The following SAMHD1 variants were observed in gnomAD, a reference collection of about 807,000 sequenced individuals.
SAMHD1 encodes the protein deoxynucleoside triphosphate triphosphohydrolase SAMHD1.
A neutral mutation model predicts 79.6 loss-of-function variants in SAMHD1; 54 were observed. The observed-to-expected ratio is 0.68, with a 90% CI of 0.55 to 0.85. The LOEUF is 0.85. Among genes scored for constraint, SAMHD1 ranks in the 40% least tolerant of loss-of-function variants. The probability of loss-of-function intolerance (pLI) is 0.00; values close to 1 mark genes in which losing one functional copy is unlikely to be tolerated. For synonymous variants in SAMHD1, 260 were observed against 264.1 expected (o/e 0.98, Z 0.15); for missense variants, 663 against 782.7 (o/e 0.85, Z 1.82).
In SAMHD1 at chr20:36,893,025, C is replaced by CT. The variant is rs1215993198; in HGVS notation, c.1787dup (p.Glu597GlyfsTer26). 2 of 1,613,644 alleles carry CT rather than the reference C, an allele frequency of 1.2e-6. No homozygotes were observed. The highest frequency in any genetic ancestry group is 2.2e-5 in the East Asian group (1 of 44,882). On this transcript the variant is annotated frameshift_variant, in exon 16 of 16. Coordinates refer to ENST00000646673, the MANE Select transcript of SAMHD1 (RefSeq NM_015474.4). LOFTEE classifies it low-confidence loss of function (END_TRUNC). ...GGACTGAAGTACTGTCGTTCCATTC[C>CT]TTTTTTTGAGGTGTTATGAGTGGGG...
At chr20:36,949,249 G>A (rs2063715778) in intron 1 of SAMHD1, among the ~76,000 whole-genome samples, 1 of 151,798 alleles carries the variant, frequency 6.6e-6, no homozygotes. Context: ...GCGTGACAGA[G>A]CGAGACTCCA....
At chr20:36,908,827 C>A (rs893107613) in intron 11 of SAMHD1, among the ~76,000 whole-genome samples, 1 of 152,106 alleles carries the variant, frequency 6.6e-6, no homozygotes, top group African/African-American at 2.4e-5. Flanking sequence ...CAGGAAGCTA[C>A]GGTAGAGTGA....
chr20:36,897,668 C>T (rs1481419072), intron 15 of SAMHD1, 154 bp downstream of exon 15: 4 of 827,324 alleles, frequency 4.8e-6, no homozygotes, highest in Non-Finnish European at 7.9e-6. Context: ...CAGATTCAGA[C>T]ATTTTAAAAG....
chr20:36,918,699 G>A (rs973037558), intron 7 of SAMHD1, among the ~76,000 whole-genome samples: 7 of 151,106 alleles, frequency 4.6e-5, no homozygotes, highest in African/African-American at 1.7e-4. Flanking sequence ...CTACTCAGGA[G>A]GCTGAAGCAG....
intron 13 of SAMHD1, among the ~76,000 whole-genome samples, chr20:36,901,257 T>A (rs1336405264): frequency 6.6e-6 from 1 of 152,006 alleles, no homozygotes; most frequent in Non-Finnish European, 1.5e-5. Flanking sequence ...CTCCACCTCC[T>A]GGGCTCAAGC....
intron 2 of SAMHD1, among the ~76,000 whole-genome samples, chr20:36,945,835 C>T (rs1328637722): frequency 6.6e-6 from 1 of 151,888 alleles, no homozygotes; most frequent in Admixed American, 6.6e-5. Context: ...GGCTTGAACC[C>T]AGGGGGTTCA....
intron 6 of SAMHD1, 184 bp downstream of exon 6, chr20:36,926,998 T>G: frequency 1.7e-6 from 1 of 575,830 alleles, no homozygotes; most frequent in Non-Finnish European, 3.1e-6. Flanking sequence ...AACGATAACT[T>G]CCTTACAGAC....
rs2063445424 is a variant in SAMHD1, at chr20:36,912,337, A to G, written c.1154+124T>C. The G allele has an allele frequency of 4.3e-6, 3 of 689,818 alleles. No individual in the cohort carries two copies. In the South Asian group the frequency reaches 4.9e-5, roughly 11 times the overall value. 42.7% of individuals were successfully genotyped at this position (689,818 alleles called of 1,614,324 possible). A position where few individuals can be genotyped will look rare whatever the true frequency, so the allele number is the denominator to read the frequency against. ...TAGATTTTTTTTCTTTAAGGAAACC[A>G]TTTTCAATTTAATCACTTAATATTC... On this transcript the variant is annotated intron_variant, in intron 10 of 15. Coordinates refer to ENST00000646673, the MANE Select transcript of SAMHD1 (RefSeq NM_015474.4).
intron 1 of SAMHD1, among the ~76,000 whole-genome samples, chr20:36,949,269 A>G (rs2063716029): frequency 6.6e-6 from 1 of 151,948 alleles, no homozygotes; most frequent in Non-Finnish European, 1.5e-5. Context: ...ATCTCAGAAA[A>G]AAAATAAAAT....
At chr20:36,928,827 C>T (rs562956621) in intron 5 of SAMHD1, among the ~76,000 whole-genome samples, 7 of 151,892 alleles carry the variant, frequency 4.6e-5, no homozygotes, top group Non-Finnish European at 7.4e-5. Context: ...GAGGCTGAGG[C>T]GGGTGGATCA....
chr20:36,905,219 C>T (rs1195855289), intron 12 of SAMHD1, 145 bp downstream of exon 12: 3 of 882,174 alleles, frequency 3.4e-6, no homozygotes, highest in Non-Finnish European at 3.8e-6. Context: ...TAAAACAGGC[C>T]TAAGACCCCT....
rs1990044635 is a variant in SAMHD1 at position 36,890,435 on chromosome 20, C to CTTTT, written c.*2496_*2497insAAAA. 1 of 133,658 alleles carries CTTTT rather than the reference C, an allele frequency of 7.5e-6. No individual in the cohort carries two copies. The highest frequency in any genetic ancestry group is 1.6e-5 in the Non-Finnish European group (1 of 61,420). 8.3% of individuals were successfully genotyped at this position (133,658 alleles called of 1,614,324 possible). On this transcript the variant is annotated 3_prime_UTR_variant, in exon 16 of 16. Coordinates refer to ENST00000646673, the MANE Select transcript of SAMHD1 (RefSeq NM_015474.4). ...CTTTCTTTCTTTTCTTTCTCTCTTT[C>CTTTT]CTTCCTTCCTTCCCTCCTTCCTTCC...
chr20:36,940,737 G>A (rs1476611904), intron 3 of SAMHD1: 3 of 424,764 alleles, frequency 7.1e-6, no homozygotes, highest in Non-Finnish European at 1.3e-5. Context: ...GTCTTCAATA[G>A]TTTCTAATAT....
intron 6 of SAMHD1, among the ~76,000 whole-genome samples, chr20:36,926,266 A>C (rs981981640): frequency 6.6e-6 from 1 of 152,204 alleles, no homozygotes; most frequent in Non-Finnish European, 1.5e-5. Context: ...AGGATCAACT[A>C]CTGAGGCACA....
At chr20:36,920,203 C>G (rs1174430496) in intron 6 of SAMHD1, among the ~76,000 whole-genome samples, 2 of 152,162 alleles carry the variant, frequency 1.3e-5, no homozygotes, top group African/African-American at 2.4e-5. Context: ...TAGTCTTGAA[C>G]TCCTGGGCTC....
At chr20:36,893,179 T>A in intron 15 of SAMHD1, 113 bp from the exon 16 acceptor site, 1 of 1,340,672 alleles carries the variant, frequency 7.5e-7, no homozygotes, top group Non-Finnish European at 1.0e-6. Context: ...AGATTGCTTC[T>A]AGCTGTCCTC....
At position 36,951,512 on chromosome 20, in the gene SAMHD1, T is replaced by G; in HGVS notation, c.132A>C (p.Thr44=). The G allele has an allele frequency of 6.2e-7, 1 of 1,614,174 alleles. No individual in the cohort carries two copies. The highest frequency in any genetic ancestry group is 8.5e-7 in the Non-Finnish European group (1 of 1,179,994). The change falls in exon 1 of 16, where the codon ACA becomes ACC. Residue 44 remains threonine, a synonymous_variant. Coordinates refer to ENST00000646673, the MANE Select transcript of SAMHD1 (RefSeq NM_015474.4). ...AGGAGCACACCTGCTCCGGACCCCA[T>G]GTCTTGTAGTCGGGATGGAGTTCCA... ...PGLELHPDYK[T]WGPEQVCSFL...
chr20:36,893,831 C>T (rs1990140472), intron 15 of SAMHD1: 1 of 398,520 alleles, frequency 2.5e-6, no homozygotes, highest in African/African-American at 2.1e-5. Context: ...CCTCTCCCTA[C>T]TCTGTCTCAC....
At chr20:36,940,845 CAT>C (rs2063638574) in intron 3 of SAMHD1, 192 bp downstream of exon 3, 2 of 608,014 alleles carry the variant, frequency 3.3e-6, no homozygotes, top group Non-Finnish European at 5.8e-6. Flanking sequence ...TATGCTTAAA[CAT>C]ATTTTAGTTC....
Sources: allele counts gnomAD v4.1 joint callset (sites outside exome capture counted in the v4.1 genomes callset), GRCh38; gene constraint gnomAD v4.1.1; transcripts MANE v1.5; gene names NCBI Gene and HGNC (gene_info 2026-07-23, HGNC 2026-07-21).